PRTG: variants seen among roughly 807,000 people sequenced by gnomAD.
The protein encoded by PRTG is immunoglobulin superfamily, DCC subclass, member 5.
PRTG carries 67 observed loss-of-function variants against 122.5 expected under a neutral mutation model. That is an observed-to-expected ratio of 0.55 (90% CI 0.45 to 0.67). PRTG has a LOEUF of 0.67. PRTG is among the 30% of genes least tolerant of loss of function. The pLI, the probability that PRTG is intolerant of heterozygous loss-of-function variation, is 0.00. For synonymous variants in PRTG, 554 were observed against 501.1 expected, an observed-to-expected ratio of 1.11 and a Z score of -1.41; for missense variants, 1,435 against 1,415.4, an observed-to-expected ratio of 1.01 and a Z score of -0.22.
At chr15:55,638,109 G>C (rs571991010) in intron 14 of PRTG, among the ~76,000 whole-genome samples, 4 of 152,196 alleles carry the variant, frequency 2.6e-5, no homozygotes, top group African/African-American at 9.6e-5. Context: ...CTTAGCTAGA[G>C]CCACAGATAA....
At chr15:55,623,233 T>A (rs2059176426) in intron 18 of PRTG, among the ~76,000 whole-genome samples, 1 of 152,108 alleles carries the variant, frequency 6.6e-6, no homozygotes, top group African/African-American at 2.4e-5. Flanking sequence ...CTGTGTCCTA[T>A]CATCATCATC....
rs2059131517 is a variant in PRTG at position 55,613,958 on chromosome 15, G to A, written c.*6054C>T. ...TTACAGAATGTAGCAGCAGTTTGCA[G>A]AGATGAACCATGTGCTTGGCACACT... is the stretch of plus-strand genomic sequence containing the variant. On this transcript the variant is annotated 3_prime_UTR_variant, in exon 20 of 20. Transcript: ENST00000389286. 1 of 152,034 alleles carries A rather than the reference G, an allele frequency of 6.6e-6. No individual in the cohort carries two copies. The highest frequency in any genetic ancestry group is 2.4e-5 in the African/African-American group (1 of 41,412). 9.4% of individuals were successfully genotyped at this position (152,034 alleles called of 1,614,324 possible). A position where few individuals can be genotyped will look rare whatever the true frequency, so the allele number is the denominator to read the frequency against.
chr15:55,632,902 C>T (rs965199541), intron 15 of PRTG, among the ~76,000 whole-genome samples: 18 of 152,196 alleles, frequency 1.2e-4, no homozygotes, highest in Admixed American at 1.1e-3. Context: ...ATAGTCATCA[C>T]TCAGTAAGAA....
At position 55,743,068 on chromosome 15, in the gene PRTG, C is replaced by G. The variant is rs1042221017; in HGVS notation, c.-137G>C. 1.1e-5 allele frequency: 14 copies of G among 1,300,254 alleles called. No homozygotes were observed. The highest frequency in any genetic ancestry group is 1.4e-5 in the Non-Finnish European group (14 of 1,029,178). 80.5% of individuals were successfully genotyped at this position (1,300,254 alleles called of 1,614,324 possible). On this transcript the variant is annotated 5_prime_UTR_variant, in exon 1 of 20. Coordinates refer to ENST00000389286, the MANE Select transcript of PRTG (RefSeq NM_173814.6). ...CGCTCCGGCTCCGGCACCGGCGTGG[C>G]GAGCGTCTCTGCGGCGGCGAGGCTG...
intron 2 of PRTG, among the ~76,000 whole-genome samples, chr15:55,730,383 T>C (rs1159649508): frequency 2.6e-5 from 4 of 151,680 alleles, no homozygotes; most frequent in Non-Finnish European, 5.9e-5. Flanking sequence ...ATTACAGGCA[T>C]GTGCCACAGC....
chr15:55,728,832 T>C (rs2031132118), intron 2 of PRTG, among the ~76,000 whole-genome samples: 1 of 152,240 alleles, frequency 6.6e-6, no homozygotes, highest in African/African-American at 2.4e-5. Context: ...TATATGATCC[T>C]ATTTACAGAA....
In PRTG at chr15:55,742,925, G is replaced by T. The variant is rs753992858; in HGVS notation, c.7C>A (p.Pro3Thr). 250 of 1,523,048 alleles carry T rather than the reference G, an allele frequency of 1.6e-4. 1 individual carries two copies. The South Asian group carries it at 2.9e-3, about 17-fold the overall frequency. The allele number at this position is 1,523,048 out of a possible 1,614,324, so 94.3% of individuals were successfully genotyped here. MA[P>T]PLRPLARLRP... Reference sequence around the variant, plus strand: ...AGCCGGGCGAGGGGTCGCAGAGGAGGCGCCATTCAGCGTAGCCGCGCGGGC... The same window carrying T: ...AGCCGGGCGAGGGGTCGCAGAGGAGTCGCCATTCAGCGTAGCCGCGCGGGC... Residue 3 changes from proline to threonine, a missense_variant, in exon 1 of 20, where the codon CCT becomes ACT. Physicochemically the swap from Pro to Thr is conservative, Grantham distance 38 (BLOSUM62 -1). Transcript: ENST00000389286.
intron 2 of PRTG, among the ~76,000 whole-genome samples, chr15:55,716,047 T>C (rs2030585282): frequency 6.6e-6 from 1 of 152,200 alleles, no homozygotes; most frequent in African/African-American, 2.4e-5. Context: ...AAAATAAAAG[T>C]TACTTGCCAA....
chr15:55,620,245 C>T lies in PRTG; in HGVS notation c.3220G>A (p.Ala1074Thr), dbSNP rs762045578. 1 of 1,614,024 alleles carries T rather than the reference C, an allele frequency of 6.2e-7. No individual in the cohort carries two copies. Among genetic ancestry groups the T allele is most frequent in the South Asian group, 1.1e-5 (1 of 91,050 alleles). ...VEQPQRRFTP[A>T]VCFYQPGTTV... is the part of the protein sequence containing the mutation. ...GTGCCTGGCTGGTAAAAGCAGACCG[C>T]TGGAGTAAATCTTCTTTGAGGCTAG... is the stretch of plus-strand genomic sequence containing the variant. The change falls in exon 20 of 20, where the codon GCG becomes ACG. Residue 1074 changes from alanine to threonine, a missense_variant. By Grantham distance (58) the Ala-to-Thr change is moderately conservative. Coordinates refer to ENST00000389286, the MANE Select transcript of PRTG (RefSeq NM_173814.6).
At chr15:55,709,401 C>T (rs2414425) in intron 2 of PRTG, among the ~76,000 whole-genome samples, 29,153 of 146,508 alleles carry the variant, frequency 0.2, 3,521 homozygotes, top group East Asian at 0.58. Context: ...AGAGAGAGAG[C>T]GCGTGAGAGA....
chr15:55,733,471 T>C (rs557178257), intron 2 of PRTG, among the ~76,000 whole-genome samples: 10 of 147,588 alleles, frequency 6.8e-5, no homozygotes, highest in African/African-American at 1.3e-4. Context: ...GATCACACCA[T>C]TGCACTCCAG....
chr15:55,706,582 CAAAA>C (rs59227432), intron 2 of PRTG, among the ~76,000 whole-genome samples: 8 of 99,244 alleles, frequency 8.1e-5, no homozygotes, highest in Non-Finnish European at 6.1e-5. Flanking sequence ...TTGTCTCTAC[CAAAA>C]AAAAAAAAAA....
intron 17 of PRTG, 123 bp downstream of exon 17, chr15:55,626,885 G>A: frequency 1.3e-6 from 1 of 763,338 alleles, no homozygotes; most frequent in Non-Finnish European, 2.0e-6. Context: ...GAACAATACT[G>A]CACATTTATT....
chr15:55,713,248 C>G (rs1472155149), intron 2 of PRTG, among the ~76,000 whole-genome samples: 1 of 152,162 alleles, frequency 6.6e-6, no homozygotes, highest in African/African-American at 2.4e-5. Context: ...AGTCTATTTG[C>G]TCTGTAAAAT....
intron 2 of PRTG, among the ~76,000 whole-genome samples, chr15:55,710,574 C>T (rs1230740718): frequency 6.6e-6 from 1 of 152,114 alleles, no homozygotes; most frequent in Non-Finnish European, 1.5e-5. Flanking sequence ...GCTGTGAGTA[C>T]ATTATAATAT....
chr15:55,733,006 T>G (rs1281842038), intron 2 of PRTG, among the ~76,000 whole-genome samples: 1 of 151,294 alleles, frequency 6.6e-6, no homozygotes, highest in Admixed American at 6.6e-5. Flanking sequence ...GGTCAAGAGA[T>G]CGAGACCATT....
intron 2 of PRTG, among the ~76,000 whole-genome samples, chr15:55,715,168 T>C (rs2250529): frequency 1 from 152,317 of 152,366 alleles, 76,134 homozygotes; most frequent in Middle Eastern, 1. Flanking sequence ...AGTTTATAGA[T>C]TGAAACAAAA....
At chr15:55,658,590 A>G (rs2059393053) in intron 11 of PRTG, among the ~76,000 whole-genome samples, 1 of 152,206 alleles carries the variant, frequency 6.6e-6, no homozygotes, top group Admixed American at 6.5e-5. Flanking sequence ...CACTGGGATT[A>G]CAGGCGTGAG....
chr15:55,619,487 T>C lies in PRTG; in HGVS notation c.*525A>G, dbSNP rs1479650171. The C allele has an allele frequency of 2.5e-5, 4 of 157,658 alleles. No homozygotes were observed. In the East Asian group the frequency reaches 7.6e-4, roughly 30 times the overall value. 9.8% of individuals were successfully genotyped at this position (157,658 alleles called of 1,614,324 possible). A position where few individuals can be genotyped will look rare whatever the true frequency, so the allele number is the denominator to read the frequency against. ...ATCACACACATTACACGTACAGCAA[T>C]GAAAACACAATACTACTAGGAAGTA... On this transcript the variant is annotated 3_prime_UTR_variant, in exon 20 of 20. Coordinates refer to ENST00000389286, the MANE Select transcript of PRTG (RefSeq NM_173814.6).
Sources: gnomAD v4.1 joint callset for allele counts (sites outside exome capture counted in the v4.1 genomes callset) on GRCh38, gnomAD v4.1.1 for gene constraint, MANE v1.5 for transcripts, NCBI Gene and HGNC (gene_info 2026-07-23, HGNC 2026-07-21) for gene names.